The following ITGB5 variants were observed in gnomAD, a reference collection of about 807,000 sequenced individuals.
ITGB5 encodes integrin beta-5.
A neutral mutation model predicts 84.8 loss-of-function variants in ITGB5; 38 were observed. That is an observed-to-expected ratio of 0.45 (90% confidence interval 0.35 to 0.59). The LOEUF is 0.59. ITGB5 is among the 20% of genes least tolerant of loss of function. ITGB5 has a pLI of 0.01. For synonymous variants in ITGB5, 393 were observed against 414.4 expected (o/e 0.95, Z 0.63); for missense variants, 905 against 1,034.5 (o/e 0.87, Z 1.72).
chr3:124,780,186 G>A (rs1001642458), intron 10 of ITGB5, among the ~76,000 whole-genome samples: 1 of 144,700 alleles, frequency 6.9e-6, no homozygotes, highest in Non-Finnish European at 1.5e-5. Context: ...TCTGAGGCAG[G>A]GCACGGGGAC....
chr3:124,815,808 A>G (rs2107548226), intron 8 of ITGB5, among the ~76,000 whole-genome samples: 1 of 152,312 alleles, frequency 6.6e-6, no homozygotes, highest in South Asian at 2.1e-4. Flanking sequence ...TATTGTGCCC[A>G]CATAACCAGC....
chr3:124,898,017 T>C lies in ITGB5; in HGVS notation c.-255+3249A>G, dbSNP rs114417458. ...AAAATCTCTCTTGCAAAATCCTCTA[T>C]ATTCTTTGGCTTTCTACTGGATTGA... is the stretch of plus-strand genomic sequence containing the variant. On this transcript the variant is annotated intron_variant, in intron 1 of 4. Transcript: ENST00000608657. Among the ~76,000 whole-genome samples, 561 of 152,246 alleles carry C rather than the reference T, an allele frequency of 3.7e-3. 1 individual carries two copies. Among genetic ancestry groups the C allele is most frequent in the African/African-American group, 0.012 (516 of 41,548 alleles).
intron 3 of ITGB5, among the ~76,000 whole-genome samples, chr3:124,851,996 G>A (rs893943978): frequency 2.0e-5 from 3 of 152,110 alleles, no homozygotes; most frequent in African/African-American, 7.2e-5. Flanking sequence ...GCTGAGAGAA[G>A]GTCTTGGGTA....
At chr3:124,847,055 T>C (rs1269570037) in intron 4 of ITGB5, among the ~76,000 whole-genome samples, 2 of 152,262 alleles carry the variant, frequency 1.3e-5, no homozygotes, top group East Asian at 3.8e-4. Flanking sequence ...TTTCTGCATC[T>C]CTAAAATCTG....
chr3:124,805,356 T>C (rs1391471114), intron 9 of ITGB5, among the ~76,000 whole-genome samples: 2 of 152,098 alleles, frequency 1.3e-5, no homozygotes, highest in Non-Finnish European at 2.9e-5. Flanking sequence ...TTGCCCAGGC[T>C]GGTCTCGAAC....
At chr3:124,801,107 G>C (rs1296125674) in intron 9 of ITGB5, among the ~76,000 whole-genome samples, 1 of 152,204 alleles carries the variant, frequency 6.6e-6, no homozygotes, top group African/African-American at 2.4e-5. Flanking sequence ...GCTGGGATGG[G>C]CACAGGCTAC....
intron 8 of ITGB5, among the ~76,000 whole-genome samples, chr3:124,813,974 G>A (rs948170213): frequency 6.6e-6 from 1 of 152,112 alleles, no homozygotes; most frequent in Non-Finnish European, 1.5e-5. Flanking sequence ...CACCTCATTA[G>A]AACAAAAGAT....
chr3:124,817,822 C>T (rs2064629790), intron 7 of ITGB5, 112 bp from the exon 8 acceptor site: 4 of 614,146 alleles, frequency 6.5e-6, no homozygotes, highest in Admixed American at 7.3e-5. Flanking sequence ...CCATATCCTG[C>T]CACCTTCTCC....
chr3:124,811,540 G>A lies in ITGB5; in HGVS notation c.1129-2384C>T, dbSNP rs189913349. 7.9e-5 allele frequency among the ~76,000 whole-genome samples: 12 copies of A among 152,214 alleles called. No individual in the cohort carries two copies. In the East Asian group the frequency reaches 2.1e-3, roughly 27 times the overall value. On this transcript the variant is annotated intron_variant, in intron 8 of 14. Transcript: ENST00000296181. ...TAAAACTTTGGAAGGAAACACCAGT[G>A]CTCCCCAGCAAGATCTGCCCAAGCC...
intron 10 of ITGB5, among the ~76,000 whole-genome samples, chr3:124,784,758 C>T (rs1441766572): frequency 1.3e-5 from 2 of 152,244 alleles, no homozygotes; most frequent in African/African-American, 4.8e-5. Flanking sequence ...TTAGGTTTGG[C>T]TTAACCTGCC....
intron 4 of ITGB5, among the ~76,000 whole-genome samples, chr3:124,844,343 T>C (rs1192003178): frequency 6.6e-6 from 1 of 151,904 alleles, no homozygotes; most frequent in African/African-American, 2.4e-5. Flanking sequence ...GCAGATCACC[T>C]GAGGTCAGGA....
chr3:124,786,899 T>A (rs1245654589), intron 10 of ITGB5, among the ~76,000 whole-genome samples: 3 of 152,104 alleles, frequency 2.0e-5, no homozygotes, highest in African/African-American at 7.2e-5. Flanking sequence ...AACAAAAGAA[T>A]CCTTAAGAAT....
intron 1 of ITGB5, among the ~76,000 whole-genome samples, chr3:124,883,442 C>T (rs1017106622): frequency 3.3e-5 from 5 of 152,084 alleles, no homozygotes; most frequent in South Asian, 2.1e-4. Context: ...AATGTAAATC[C>T]ATAGGATAAA....
At chr3:124,851,220 G>A (rs530242440) in intron 3 of ITGB5, among the ~76,000 whole-genome samples, 1 of 152,170 alleles carries the variant, frequency 6.6e-6, no homozygotes, top group African/African-American at 2.4e-5. Context: ...TGTCACCAAG[G>A]ACTAGGGAGA....
chr3:124,892,788 T>C (rs1935029263), intron 1 of ITGB5, among the ~76,000 whole-genome samples: 1 of 151,936 alleles, frequency 6.6e-6, no homozygotes, highest in Middle Eastern at 3.4e-3. Context: ...AAAAATCAGA[T>C]TCGTTAAGTT....
intron 2 of ITGB5, among the ~76,000 whole-genome samples, 154 bp downstream of exon 2, chr3:124,873,292 G>C (rs1017814): frequency 0.16 from 23,915 of 152,234 alleles, 1,969 homozygotes; most frequent in South Asian, 0.21. Context: ...ACTTGGATTT[G>C]TCATCACTCT....
chr3:124,819,769 T>A lies in ITGB5; in HGVS notation c.1008A>T (p.Ala336=). 6.2e-7 allele frequency: 1 copy of A among 1,613,902 alleles called. No homozygotes were observed. The highest frequency in any genetic ancestry group is 8.5e-7 in the Non-Finnish European group (1 of 1,179,786). The change falls in exon 7 of 15, where the codon GCA becomes GCT. Residue 336 remains alanine, a synonymous_variant. Transcript: ENST00000296181. ...ACAGCATATAATGGTTTTTTGTCAC[T>A]GCAAAGATGAGGTTGATGTTGTTCT... The part of the protein sequence containing the change: ...LAENNINLIF[A]VTKNHYMLYK...
rs749407747 is a variant in ITGB5 at position 124,773,786 on chromosome 3, T to C, written c.1820A>G (p.His607Arg). ...GCATTGGCACTGCCCACAGAGACAG[T>C]GCCCACGCTCGCTGCAGATCTGGCC... ...RDGQICSERGHCLCGQCQCTE... is the reference protein window; with the variant it reads ...RDGQICSERGRCLCGQCQCTE... Residue 607 changes from histidine (H) to arginine (R), a missense_variant, in exon 11 of 15, where the codon CAC (histidine) becomes CGC (arginine). By Grantham distance (29) the His-to-Arg change is conservative. This residue lies in a region of ITGB5 where 116 missense variants were observed against 177.0 expected (regional missense o/e 0.66). Coordinates refer to ENST00000296181, the MANE Select transcript of ITGB5 (RefSeq NM_002213.5). 1 of 1,613,756 alleles carries C rather than the reference T, an allele frequency of 6.2e-7. No homozygotes were observed. The highest frequency in any genetic ancestry group is 8.5e-7 in the Non-Finnish European group (1 of 1,180,040).
chr3:124,766,334 G>A lies in ITGB5; in HGVS notation c.2029C>T (p.Gln677Ter), dbSNP rs1219191587. ...TTGTAGAAACATAGCACAGCCTCCT[G>A]GTCATCTTTCACTGGAAGAAAACCA... ...TWVDTIVKDD[Q>*]EAVLCFYKTA... The change falls in exon 13 of 15, where the codon CAG (glutamine) becomes TAG (stop). Residue 677 changes from glutamine to a stop codon, truncating the protein, a stop_gained. Transcript: ENST00000296181. LOFTEE classifies it high-confidence loss of function. The A allele has an allele frequency of 6.2e-7, 1 of 1,613,906 alleles. No individual in the cohort carries two copies. Among genetic ancestry groups the A allele is most frequent in the African/African-American group, 1.3e-5 (1 of 74,930 alleles).
Sources: allele counts gnomAD v4.1 joint callset (sites outside exome capture counted in the v4.1 genomes callset), GRCh38; gene constraint gnomAD v4.1.1; regional missense constraint gnomAD v4.1.1; transcripts MANE v1.5; gene names NCBI Gene and HGNC (gene_info 2026-07-23, HGNC 2026-07-21).